UNC5C: variants seen among roughly 807,000 people sequenced by gnomAD.
UNC5C encodes the protein unc-5 netrin receptor C.
A neutral mutation model predicts 99.8 loss-of-function variants in UNC5C; 47 were observed. That is an observed-to-expected ratio of 0.47 (90% confidence interval 0.37 to 0.60). The LOEUF (loss-of-function observed/expected upper bound fraction) is 0.60, where lower values mean the gene tolerates loss of function less well. UNC5C is among the 20% of genes least tolerant of loss of function. The probability of loss-of-function intolerance (pLI) is 0.00; values close to 1 mark genes in which losing one functional copy is unlikely to be tolerated. For synonymous variants in UNC5C, 487 were observed against 452.2 expected (o/e 1.08, Z -0.98); for missense variants, 1,062 against 1,165.9 (o/e 0.91, Z 1.30).
chr4:95,293,203 G>A (rs1002745215), intron 3 of UNC5C, among the ~76,000 whole-genome samples: 1 of 151,466 alleles, frequency 6.6e-6, no homozygotes, highest in Non-Finnish European at 1.5e-5. Flanking sequence ...CTGGAAACAA[G>A]GAAATGGATG....
At chr4:95,426,832 TC>T (rs1252599983) in intron 1 of UNC5C, among the ~76,000 whole-genome samples, 1 of 152,186 alleles carries the variant, frequency 6.6e-6, no homozygotes, top group Non-Finnish European at 1.5e-5. Context: ...TAGCAGACAT[TC>T]GTTCATGAGG....
chr4:95,349,309 A>G (rs531491919), intron 1 of UNC5C, among the ~76,000 whole-genome samples: 7 of 100,114 alleles, frequency 7.0e-5, no homozygotes, highest in Admixed American at 3.3e-4. Flanking sequence ...AATAAAAAGA[A>G]TGAGAGAGAA....
intron 4 of UNC5C, among the ~76,000 whole-genome samples, chr4:95,264,007 C>A (rs1740341933): frequency 6.6e-6 from 1 of 152,092 alleles, no homozygotes; most frequent in African/African-American, 2.4e-5. Flanking sequence ...TAAATTCTGT[C>A]CTAAAGACAC....
At chr4:95,429,643 G>C (rs141613515) in intron 1 of UNC5C, among the ~76,000 whole-genome samples, 40 of 152,250 alleles carry the variant, frequency 2.6e-4, no homozygotes, top group Admixed American at 1.2e-3. Flanking sequence ...CGGGGCCAAA[G>C]AAGCCTCATT....
intron 1 of UNC5C, among the ~76,000 whole-genome samples, chr4:95,379,764 A>G (rs1745007440): frequency 6.6e-6 from 1 of 152,182 alleles, no homozygotes; most frequent in African/African-American, 2.4e-5. Flanking sequence ...CGCAGCCATC[A>G]GAATAAGAAC....
intron 4 of UNC5C, among the ~76,000 whole-genome samples, chr4:95,274,467 A>C (rs1215707061): frequency 6.6e-6 from 1 of 152,182 alleles, no homozygotes; most frequent in Non-Finnish European, 1.5e-5. Context: ...ACGAAGGAGC[A>C]GGCAAGTCTA....
chr4:95,192,807 C>T (rs1163782652), intron 12 of UNC5C, among the ~76,000 whole-genome samples: 1 of 152,144 alleles, frequency 6.6e-6, no homozygotes, highest in Non-Finnish European at 1.5e-5. Context: ...CAAAATTGCA[C>T]CACCTTCTTC....
chr4:95,239,476 G>C (rs1739249339), intron 7 of UNC5C, among the ~76,000 whole-genome samples: 2 of 152,118 alleles, frequency 1.3e-5, no homozygotes, highest in African/African-American at 4.8e-5. Context: ...CACAAAGCCA[G>C]GACTTCTTCT....
At chr4:95,176,447 G>C (rs1379842873) in intron 14 of UNC5C, among the ~76,000 whole-genome samples, 2 of 152,090 alleles carry the variant, frequency 1.3e-5, no homozygotes, top group Non-Finnish European at 2.9e-5. Context: ...CTGTTTGTTA[G>C]TTTTCCTTCT....
At chr4:95,368,958 C>T (rs905071046) in intron 1 of UNC5C, among the ~76,000 whole-genome samples, 3 of 151,810 alleles carry the variant, frequency 2.0e-5, no homozygotes, top group African/African-American at 7.3e-5. Flanking sequence ...TGCTCTGCCA[C>T]CCAGGCTGGA....
intron 1 of UNC5C, among the ~76,000 whole-genome samples, chr4:95,428,180 C>A (rs1013071837): frequency 6.6e-6 from 1 of 151,544 alleles, no homozygotes; most frequent in South Asian, 2.1e-4. Context: ...TTAAAATGTG[C>A]AATCAGTGTC....
chr4:95,458,227 T>C (rs1284183324), intron 1 of UNC5C, among the ~76,000 whole-genome samples: 4 of 151,922 alleles, frequency 2.6e-5, no homozygotes, highest in Non-Finnish European at 4.4e-5. Context: ...TTGGAAAGAG[T>C]GAGTCTGTCC....
chr4:95,497,379 G>C (rs1222317611), intron 1 of UNC5C, among the ~76,000 whole-genome samples: 1 of 151,880 alleles, frequency 6.6e-6, no homozygotes, highest in Non-Finnish European at 1.5e-5. Context: ...AGCCATTTAA[G>C]AGCAGTTAAA....
intron 1 of UNC5C, among the ~76,000 whole-genome samples, chr4:95,505,742 T>G (rs763603811): frequency 6.6e-6 from 1 of 152,046 alleles, no homozygotes; most frequent in Non-Finnish European, 1.5e-5. Context: ...TAGCCTTATA[T>G]CTAACTGTAA....
At chr4:95,337,343 C>T (rs946727285) in intron 1 of UNC5C, among the ~76,000 whole-genome samples, 20 of 151,854 alleles carry the variant, frequency 1.3e-4, no homozygotes, top group African/African-American at 4.8e-4. Context: ...GAAGGTAAAA[C>T]TTGAAAAGGA....
chr4:95,255,870 G>C (rs1233469504), intron 4 of UNC5C, among the ~76,000 whole-genome samples: 1 of 151,906 alleles, frequency 6.6e-6, no homozygotes, highest in African/African-American at 2.4e-5. Flanking sequence ...CCTTGGAATA[G>C]TTGTTTACAT....
chr4:95,263,315 C>T (rs1209820090), intron 4 of UNC5C, among the ~76,000 whole-genome samples: 1 of 151,902 alleles, frequency 6.6e-6, no homozygotes, highest in African/African-American at 2.4e-5. Context: ...TTTTAGATAC[C>T]AACATAAAAT....
intron 1 of UNC5C, among the ~76,000 whole-genome samples, chr4:95,462,139 A>C (rs1747621160): frequency 6.6e-6 from 1 of 152,038 alleles, no homozygotes; most frequent in Admixed American, 6.6e-5. Context: ...TTTAACCATT[A>C]CCGCATGGGC....
At chr4:95,369,600 A>C (rs745674367) in intron 1 of UNC5C, among the ~76,000 whole-genome samples, 4 of 152,146 alleles carry the variant, frequency 2.6e-5, no homozygotes, top group Non-Finnish European at 4.4e-5. Context: ...AGTGTACTAA[A>C]AAGTTTCTTA....
Sources: allele counts gnomAD v4.1 joint callset (sites outside exome capture counted in the v4.1 genomes callset), GRCh38; gene constraint gnomAD v4.1.1; transcripts MANE v1.5; gene names NCBI Gene and HGNC (gene_info 2026-07-23, HGNC 2026-07-21).